Variants in SCAPER observed in about 807,000 individuals in gnomAD.
SCAPER encodes S phase cyclin A-associated protein in the endoplasmic reticulum.
Under a neutral mutation model 182.2 loss-of-function variants are expected in SCAPER, and 98 were observed. The observed-to-expected ratio is 0.54, with a 90% CI of 0.46 to 0.64. SCAPER has a LOEUF of 0.64. Among genes scored for constraint, SCAPER ranks in the 30% least tolerant of loss-of-function variants. The probability of loss-of-function intolerance (pLI) is 0.00; values close to 1 mark genes in which losing one functional copy is unlikely to be tolerated. For synonymous variants in SCAPER, 605 were observed against 564.6 expected (o/e 1.07, Z -1.01); for missense variants, 1,432 against 1,690.0 (o/e 0.85, Z 2.68).
intron 20 of SCAPER, among the ~76,000 whole-genome samples, chr15:76,667,190 G>A (rs888641581): frequency 1.3e-5 from 2 of 152,030 alleles, no homozygotes; most frequent in African/African-American, 4.8e-5. Context: ...GGTCAGTAAC[G>A]CCAGTGGCCA....
chr15:76,636,731 T>C (rs1052882695), intron 21 of SCAPER, among the ~76,000 whole-genome samples: 8 of 152,208 alleles, frequency 5.3e-5, no homozygotes, highest in Non-Finnish European at 1.2e-4. Flanking sequence ...AAAACTCTCC[T>C]ACTGATATTC....
At position 76,708,065 on chromosome 15, in the gene SCAPER, A is replaced by AC. The variant is rs201278157; in HGVS notation, c.2166-2082dup. On this transcript the variant is annotated intron_variant, in intron 17 of 31. Coordinates refer to ENST00000563290, the MANE Select transcript of SCAPER (RefSeq NM_020843.4). The stretch of plus-strand genomic sequence containing the variant: ...ATCCAAGGGGGATTGGTTCTAGGAC[A>AC]CCCCCCCACCATACCAAAATCTGAG... Among the ~76,000 whole-genome samples the AC allele has an allele frequency of 8.4e-3, 1,274 of 152,044 alleles. 13 individuals are homozygous for AC. Among genetic ancestry groups the AC allele is most frequent in the African/African-American group, 0.029 (1,207 of 41,478 alleles).
chr15:76,412,998 ATTG>A (rs1365845463), intron 26 of SCAPER, among the ~76,000 whole-genome samples: 3 of 152,024 alleles, frequency 2.0e-5, no homozygotes, highest in African/African-American at 7.2e-5. Context: ...TATAAATGGT[ATTG>A]TTTTTTAAAT....
intron 17 of SCAPER, among the ~76,000 whole-genome samples, chr15:76,709,576 A>T (rs1197252858): frequency 1.3e-5 from 2 of 152,232 alleles, no homozygotes; most frequent in Non-Finnish European, 2.9e-5. Context: ...GGTAATTTGA[A>T]ATATTCCCCC....
rs1284243682 is a variant in SCAPER at position 76,795,392 on chromosome 15, G to A, written c.660C>T (p.Val220=). Residue 220 remains valine (V), a synonymous_variant, in exon 8 of 32, where the codon GTC becomes GTT. Transcript: ENST00000563290. ...VPAPRLAPTG[V]SWADKVKAHH... is the part of the protein sequence containing the mutation. ...GAGCCTTTACCTTGTCAGCCCAACT[G>A]ACACCTGTGGGAGCCAGACGAGGAG... The A allele has an allele frequency of 1.1e-5, 18 of 1,609,204 alleles. No individual in the cohort carries two copies. Among genetic ancestry groups the A allele is most frequent in the Non-Finnish European group, 1.5e-5 (18 of 1,177,136 alleles).
At chr15:76,890,960 C>T (rs1201722582) in intron 1 of SCAPER, among the ~76,000 whole-genome samples, 3 of 152,146 alleles carry the variant, frequency 2.0e-5, no homozygotes, top group Admixed American at 6.5e-5. Flanking sequence ...CATCAAAAAG[C>T]TTATCTACTC....
At chr15:76,535,005 T>C (rs1341784791) in intron 23 of SCAPER, among the ~76,000 whole-genome samples, 1 of 152,096 alleles carries the variant, frequency 6.6e-6, no homozygotes, top group African/African-American at 2.4e-5. Flanking sequence ...CTGCAAAACA[T>C]GGTAATAAAT....
At chr15:76,636,303 G>A (rs2053597757) in intron 21 of SCAPER, among the ~76,000 whole-genome samples, 1 of 152,086 alleles carries the variant, frequency 6.6e-6, no homozygotes. Flanking sequence ...CCTTATATGT[G>A]AAGCTTTACT....
intron 23 of SCAPER, among the ~76,000 whole-genome samples, chr15:76,517,680 G>A (rs1215751006): frequency 6.6e-6 from 1 of 152,064 alleles, no homozygotes; most frequent in Non-Finnish European, 1.5e-5. Context: ...ACCATGGTAT[G>A]TTTATCAAAA....
intron 21 of SCAPER, among the ~76,000 whole-genome samples, chr15:76,660,116 T>C (rs2056009703): frequency 1.3e-5 from 2 of 152,172 alleles, no homozygotes; most frequent in Non-Finnish European, 2.9e-5. Context: ...TGGAGGTCAT[T>C]ATTCTAAGCA....
rs1425971864 is a variant in SCAPER at position 76,771,729 on chromosome 15, T to C, written c.1248+13A>G. The stretch of plus-strand genomic sequence containing the variant: ...TTCTGATAAGTTGTTCTTACCAAGT[T>C]AGCAGCACTCACATTTGAAATATCT... On this transcript the variant is annotated intron_variant, in intron 10 of 31. Transcript: ENST00000563290. The C allele has an allele frequency of 6.2e-7, 1 of 1,604,704 alleles. No homozygotes were observed. Among genetic ancestry groups the C allele is most frequent in the African/African-American group, 1.3e-5 (1 of 74,854 alleles).
intron 15 of SCAPER, among the ~76,000 whole-genome samples, chr15:76,739,857 A>G (rs2061455131): frequency 6.6e-6 from 1 of 152,192 alleles, no homozygotes; most frequent in African/African-American, 2.4e-5. Context: ...TACAGAACAG[A>G]TAGTGTAAAA....
chr15:76,464,976 G>T (rs1157223415), intron 25 of SCAPER, among the ~76,000 whole-genome samples: 1 of 152,100 alleles, frequency 6.6e-6, no homozygotes, highest in Non-Finnish European at 1.5e-5. Flanking sequence ...CATTTTCACA[G>T]TGATTAGTGA....
At chr15:76,696,344 C>A (rs1030600532) in intron 20 of SCAPER, among the ~76,000 whole-genome samples, 9 of 152,114 alleles carry the variant, frequency 5.9e-5, no homozygotes, top group Non-Finnish European at 8.8e-5. Context: ...ACCTAATTGG[C>A]ATATATTGTC....
intron 15 of SCAPER, among the ~76,000 whole-genome samples, chr15:76,734,295 T>A (rs865883523): frequency 1.9e-4 from 29 of 152,262 alleles, no homozygotes; most frequent in African/African-American, 7.0e-4. Context: ...TCAGGTAGGA[T>A]CAACCCTCTC....
intron 22 of SCAPER, among the ~76,000 whole-genome samples, chr15:76,592,713 A>G (rs1344368305): frequency 8.2e-6 from 1 of 122,514 alleles, no homozygotes; most frequent in Non-Finnish European, 2.0e-5. Context: ...TGGGACGCGC[A>G]AGGGTTTGGG....
Position 76,894,529 on chromosome 15 carries a change from T to C in SCAPER, c.-59-10653A>G, listed in dbSNP as rs112192113. Among the ~76,000 whole-genome samples, 253 of 151,768 alleles carry C rather than the reference T, an allele frequency of 1.7e-3. 2 individuals are homozygous for C. Among genetic ancestry groups the C allele is most frequent in the Middle Eastern group, 0.014 (4 of 294 alleles). ...AAAAAAGAACAAACTAAATCTAAAG[T>C]CAGCATAAGGAAGGAAATAATAACA... On this transcript the variant is annotated intron_variant, in intron 1 of 31. Transcript: ENST00000563290.
At chr15:76,729,023 C>T (rs946574294) in intron 16 of SCAPER, among the ~76,000 whole-genome samples, 4 of 152,002 alleles carry the variant, frequency 2.6e-5, no homozygotes, top group African/African-American at 9.7e-5. Flanking sequence ...AATCAGCTGC[C>T]AGCGAGGCTA....
At chr15:76,793,971 A>G (rs2065161462) in intron 8 of SCAPER, among the ~76,000 whole-genome samples, 1 of 152,138 alleles carries the variant, frequency 6.6e-6, no homozygotes, top group African/African-American at 2.4e-5. Context: ...GAACTGATTG[A>G]TTGGTTGTTG....
Sources: allele counts gnomAD v4.1 joint callset (sites outside exome capture counted in the v4.1 genomes callset), GRCh38; gene constraint gnomAD v4.1.1; transcripts MANE v1.5; gene names NCBI Gene and HGNC (gene_info 2026-07-23, HGNC 2026-07-21).